IGFN1: variants seen among roughly 807,000 people sequenced by gnomAD.
IGFN1 encodes the protein immunoglobulin like and fibronectin type III domain containing 1.
IGFN1 carries 253 observed loss-of-function variants against 289.5 expected under a neutral mutation model. The observed-to-expected ratio is 0.87, with a 90% CI of 0.79 to 0.97. The LOEUF (loss-of-function observed/expected upper bound fraction) is 0.97, where lower values mean the gene tolerates loss of function less well. Among genes scored for constraint, IGFN1 ranks in the 50% least tolerant of loss-of-function variants. IGFN1 has a pLI of 0.00. For missense variants in IGFN1, 4,470 were observed against 4,686.1 expected (o/e 0.95, Z 1.35); for synonymous variants, 1,706 against 1,788.5 (o/e 0.95, Z 1.16).
At position 201,227,045 on chromosome 1, in the gene IGFN1, T is replaced by G. The variant is rs1159356190; in HGVS notation, c.10950T>G (p.Asn3650Lys). The change falls in exon 23 of 24, where the codon AAT (asparagine) becomes AAG (lysine). Residue 3650 changes from asparagine to lysine, a missense_variant. This residue lies in a region of IGFN1 where 2,218 missense variants were observed against 2,114.1 expected (regional missense o/e 1.05). Transcript: ENST00000335211. ...SPRPHVTWFK[N>K]DRSLEGNPAV... The stretch of plus-strand genomic sequence containing the variant: ...GGCCCCACGTCACCTGGTTCAAGAA[T>G]GACCGCAGCCTGGAAGGAAACCCCG... 4 of 1,613,544 alleles carry G rather than the reference T, an allele frequency of 2.5e-6. No individual in the cohort carries two copies. The highest frequency in any genetic ancestry group is 1.3e-5 in the African/African-American group (1 of 74,944).
chr1:201,203,205 A>C (rs1337829996), intron 9 of IGFN1, among the ~76,000 whole-genome samples: 1 of 152,250 alleles, frequency 6.6e-6, no homozygotes, highest in Non-Finnish European at 1.5e-5. Context: ...CCTGGCACAC[A>C]GTGGGCCCCT....
In IGFN1 at chr1:201,212,026, C is replaced by G. The variant is rs1467706295; in HGVS notation, c.7133C>G (p.Ala2378Gly). 6.5e-7 allele frequency: 1 copy of G among 1,536,138 alleles called. No homozygotes were observed. Among genetic ancestry groups the G allele is most frequent in the South Asian group, 1.2e-5 (1 of 84,044 alleles). Residue 2378 changes from alanine (A) to glycine (G), a missense_variant, in exon 12 of 24, where the codon GCT becomes GGT. Ala to Gly is a moderately conservative substitution (Grantham distance 60). Transcript: ENST00000335211. The part of the protein sequence containing the change: ...PGSLAGIGHE[A>G]GPRGHKAMGH... ...TCACTGGCTGGAATAGGACATGAGG[C>G]TGGACCCAGAGGCCATAAAGCCATG...
At position 201,210,208 on chromosome 1, in the gene IGFN1, G is replaced by C. The variant is rs1360113650; in HGVS notation, c.5315G>C (p.Gly1772Ala). ...ADFRDALGSS[G>A]EMGSMDEAGY... ...TTTAGGGATGCTTTAGGGAGTTCTG[G>C]GGAAATGGGGTCAATGGATGAGGCA... Residue 1772 changes from glycine to alanine, a missense_variant, in exon 12 of 24, where the codon GGG becomes GCG. This residue lies in a region of IGFN1 where 33 missense variants were observed against 259.7 expected (regional missense o/e 0.13). Coordinates refer to ENST00000335211, the MANE Select transcript of IGFN1 (RefSeq NM_001164586.2). The C allele has an allele frequency of 2.4e-6, 3 of 1,248,080 alleles. No individual in the cohort carries two copies. Among genetic ancestry groups the C allele is most frequent in the Non-Finnish European group, 3.1e-6 (3 of 962,738 alleles). 77.3% of individuals were successfully genotyped at this position (1,248,080 alleles called of 1,614,324 possible).
At chr1:201,201,530 G>C (rs1465293226) in intron 8 of IGFN1, among the ~76,000 whole-genome samples, 189 bp from the exon 9 acceptor site, 1 of 152,196 alleles carries the variant, frequency 6.6e-6, no homozygotes, top group Non-Finnish European at 1.5e-5. Flanking sequence ...TTGTCTTCCT[G>C]ATCTGATCTC....
intron 5 of IGFN1, among the ~76,000 whole-genome samples, chr1:201,198,007 T>C (rs1173201730): frequency 2.6e-5 from 4 of 152,238 alleles, no homozygotes; most frequent in African/African-American, 9.6e-5. Flanking sequence ...CCCACTGCTC[T>C]GCCATCCTTA....
At chr1:201,205,429 G>A in intron 11 of IGFN1, 75 bp downstream of exon 11, 6 of 1,402,174 alleles carry the variant, frequency 4.3e-6, no homozygotes, top group East Asian at 5.0e-5. Context: ...AGGAAGGCGA[G>A]GCAGTGGGAT....
In IGFN1 at chr1:201,221,119, A is replaced by G. The variant is rs982892785; in HGVS notation, c.9899-325A>G. Among the ~76,000 whole-genome samples the G allele has an allele frequency of 2.6e-5, 4 of 152,234 alleles. No individual in the cohort carries two copies. The East Asian group carries it at 5.8e-4, about 22-fold the overall frequency. ...TAGTCATACGGGATAATGGAACCCA[A>G]GAGGTCATCAACTAAAATATCAGTT... is the stretch of plus-strand genomic sequence containing the variant. On this transcript the variant is annotated intron_variant, in intron 18 of 23. Transcript: ENST00000335211.
intron 18 of IGFN1, among the ~76,000 whole-genome samples, chr1:201,219,938 TCCTTCCTTCTTTCTCTCTC>T: frequency 1.3e-5 from 1 of 76,736 alleles, no homozygotes; most frequent in Non-Finnish European, 3.2e-5. Context: ...TTTCTCTCTC[TCCTTCCTTCTTTCTCTCTC>T]TCCTTCTCTC....
In IGFN1 at chr1:201,211,407, T is replaced by C. The variant is rs1667785122; in HGVS notation, c.6514T>C (p.Ser2172Pro). The C allele has an allele frequency of 1.3e-6, 2 of 1,490,894 alleles. No homozygotes were observed. The highest frequency in any genetic ancestry group is 2.7e-5 in the East Asian group (1 of 37,338). 92.4% of individuals were successfully genotyped at this position (1,490,894 alleles called of 1,614,324 possible). ...TTTAGGGAGTTCTGGGGAAATGGGG[T>C]CAATGGATGAGGCAGGTTATAGGAA... Reference protein sequence around the residue: ...DGLGSSGEMGSMDEAGYRKDL... With the variant: ...DGLGSSGEMGPMDEAGYRKDL... Residue 2172 changes from serine (S) to proline (P), a missense_variant, in exon 12 of 24, where the codon TCA (serine) becomes CCA (proline). Ser to Pro is a moderately conservative substitution (Grantham distance 74, BLOSUM62 -1). This residue lies in a region of IGFN1 where 2,218 missense variants were observed against 2,114.1 expected (regional missense o/e 1.05). Coordinates refer to ENST00000335211, the MANE Select transcript of IGFN1 (RefSeq NM_001164586.2).
At position 201,206,680 on chromosome 1, in the gene IGFN1, T is replaced by C. The variant is rs947610007; in HGVS notation, c.1787T>C (p.Leu596Pro). 25 of 1,536,840 alleles carry C rather than the reference T, an allele frequency of 1.6e-5. No individual in the cohort carries two copies. In the African/African-American group the frequency reaches 2.9e-4, roughly 18 times the overall value. The change falls in exon 12 of 24, where the codon CTG becomes CCG. Residue 596 changes from leucine (L) to proline (P), a missense_variant. By Grantham distance (98) the Leu-to-Pro change is moderately conservative. Transcript: ENST00000335211. ...CTGGACAGGCATGCCCCAGAGCAAC[T>C]GTGGGATGCTCGACTGGGACCTGGG... ...RQLDRHAPEQ[L>P]WDARLGPGRG...
intron 15 of IGFN1, 145 bp downstream of exon 15, chr1:201,215,983 A>G (rs1344879151): frequency 1.2e-6 from 1 of 836,064 alleles, no homozygotes; most frequent in Admixed American, 2.0e-5. Flanking sequence ...CCTACCACTA[A>G]CTCTGCTCAG....
In IGFN1 at chr1:201,208,513, G is replaced by C. The variant is rs747473894; in HGVS notation, c.3620G>C (p.Gly1207Ala). Residue 1207 changes from glycine (G) to alanine (A), a missense_variant, in exon 12 of 24, where the codon GGG becomes GCG. Coordinates refer to ENST00000335211, the MANE Select transcript of IGFN1 (RefSeq NM_001164586.2). ...GCTTCTGGGAGCCAGTGGGCTTATGGGGCTGGCAATGTGCTGGGTTATGAG... is the reference window on the plus strand; with the variant it reads ...GCTTCTGGGAGCCAGTGGGCTTATGCGGCTGGCAATGTGCTGGGTTATGAG... ...GAASGSQWAY[G>A]AGNVLGYEDG... The C allele has an allele frequency of 3.9e-5, 57 of 1,452,040 alleles. 1 individual carries two copies. In the African/African-American group the frequency reaches 7.6e-4, roughly 19 times the overall value. The allele number at this position is 1,452,040 out of a possible 1,614,324, so 89.9% of individuals were successfully genotyped here.
chr1:201,201,496 T>A (rs767759368), intron 8 of IGFN1, among the ~76,000 whole-genome samples: 1 of 152,232 alleles, frequency 6.6e-6, no homozygotes, highest in Admixed American at 6.5e-5. Context: ...TTCTAGCAAC[T>A]GAACACCTGG....
chr1:201,214,974 G>T (rs1207751549), intron 13 of IGFN1, 39 bp from the exon 14 acceptor site: 1 of 1,602,300 alleles, frequency 6.2e-7, no homozygotes, highest in Non-Finnish European at 8.5e-7. Context: ...ACTGGGATGG[G>T]AGTGGGGTGA....
intron 11 of IGFN1, among the ~76,000 whole-genome samples, 158 bp downstream of exon 11, chr1:201,205,512 C>T (rs1244840827): frequency 2.0e-5 from 3 of 152,230 alleles, no homozygotes; most frequent in Admixed American, 1.3e-4. Context: ...ACCTTCATGG[C>T]CAACCCAACC....
At chr1:201,195,783 A>G in intron 3 of IGFN1, 56 bp from the exon 4 acceptor site, 10 of 1,502,812 alleles carry the variant, frequency 6.7e-6, no homozygotes, top group Non-Finnish European at 9.0e-6. Flanking sequence ...TAAATAAAGT[A>G]TACAGTCACC....
At position 201,215,778 on chromosome 1, in the gene IGFN1, A is replaced by C. The variant is rs139390781; in HGVS notation, c.9235A>C (p.Ser3079Arg). 49 of 1,601,776 alleles carry C rather than the reference A, an allele frequency of 3.1e-5. No individual in the cohort carries two copies. The African/African-American group carries it at 6.3e-4, about 21-fold the overall frequency. Reference protein sequence around the residue: ...SAGRKDCGQYSVTLRSEGGSV... With the variant: ...SAGRKDCGQYRVTLRSEGGSV... The stretch of plus-strand genomic sequence containing the variant: ...AGGCAGGAAGGACTGTGGCCAGTAC[A>C]GCGTGACACTGAGGAGTGAGGGAGG... The change falls in exon 15 of 24, where the codon AGC becomes CGC. Residue 3079 changes from serine (S) to arginine (R), a missense_variant. By Grantham distance (110) the Ser-to-Arg change is moderately radical. Coordinates refer to ENST00000335211, the MANE Select transcript of IGFN1 (RefSeq NM_001164586.2).
At chr1:201,196,005 C>T (rs2102317998) in intron 4 of IGFN1, 27 bp downstream of exon 4, 1 of 1,548,910 alleles carries the variant, frequency 6.5e-7, no homozygotes. Flanking sequence ...TTCCCCTGAC[C>T]AGGGTCTACT....
In IGFN1 at chr1:201,203,848, C is replaced by T. The variant is rs1667272501; in HGVS notation, c.858C>T (p.Gly286=). The T allele has an allele frequency of 6.4e-7, 1 of 1,551,698 alleles. No homozygotes were observed. Among genetic ancestry groups the T allele is most frequent in the Non-Finnish European group, 8.7e-7 (1 of 1,146,964 alleles). ...AAGACCTGAGGCCTGAGGACTCTGG[C>T]ATTTACCAGGTCAAGGTGGAGGATG... ...QIQDLRPEDS[G]IYQVKVEDAV... The change falls in exon 10 of 24, where the codon GGC becomes GGT. Residue 286 remains glycine (G), a synonymous_variant. Coordinates refer to ENST00000335211, the MANE Select transcript of IGFN1 (RefSeq NM_001164586.2).
Sources: gnomAD v4.1 joint callset for allele counts (sites outside exome capture counted in the v4.1 genomes callset) on GRCh38, gnomAD v4.1.1 for gene constraint, gnomAD v4.1.1 regional missense constraint, MANE v1.5 for transcripts, NCBI Gene and HGNC (gene_info 2026-07-23, HGNC 2026-07-21) for gene names.